Variants in DDX60 observed in about 807,000 individuals in gnomAD.
DDX60 encodes the protein probable ATP-dependent RNA helicase DDX60.
DDX60 carries 165 observed loss-of-function variants against 212.8 expected under a neutral mutation model. The observed-to-expected ratio is 0.78, with a 90% CI of 0.68 to 0.88. The LOEUF is 0.88. DDX60 is among the 40% of genes least tolerant of loss of function. The pLI is 0.00. For missense variants in DDX60, 1,905 were observed against 2,003.9 expected, an observed-to-expected ratio of 0.95 and a Z score of 0.94; for synonymous variants, 703 against 685.3, an observed-to-expected ratio of 1.03 and a Z score of -0.40.
chr4:168,298,815 G>T (rs187906189), intron 6 of DDX60, among the ~76,000 whole-genome samples: 14 of 151,892 alleles, frequency 9.2e-5, no homozygotes, highest in African/African-American at 3.1e-4. Flanking sequence ...TTAACTATAT[G>T]TTAACATCTT....
chr4:168,278,726 G>A lies in DDX60; in HGVS notation c.1978+1609C>T, dbSNP rs996057130. ...TGCATGCAGTCCCAGATACTCAGGA[G>A]GCTGAGGCAGCAGAATAGCTTGAAC... On this transcript the variant is annotated intron_variant, in intron 14 of 37. Transcript: ENST00000393743. Among the ~76,000 whole-genome samples the A allele has an allele frequency of 2.0e-5, 3 of 152,144 alleles. No homozygotes were observed. The South Asian group carries it at 6.2e-4, about 31-fold the overall frequency.
Position 168,291,753 on chromosome 4 carries a change from G to C in DDX60, c.1036C>G (p.Gln346Glu), listed in dbSNP as rs778744557. ...CTAATAAAGAGTACATTTACCATTT[G>C]TAATAAAGGCTTCATGTCCTCAGCC... is the stretch of plus-strand genomic sequence containing the variant. The part of the protein sequence containing the change: ...HWAEDMKPLL[Q>E]MKKWCEYFIL... The change falls in exon 8 of 38, where the codon CAA (glutamine) becomes GAA (glutamate). Residue 346 changes from glutamine (Q) to glutamate (E), a missense_variant. Coordinates refer to ENST00000393743, the MANE Select transcript of DDX60 (RefSeq NM_017631.6). 1 of 1,582,708 alleles carries C rather than the reference G, an allele frequency of 6.3e-7. No individual in the cohort carries two copies. Among genetic ancestry groups the C allele is most frequent in the Non-Finnish European group, 8.5e-7 (1 of 1,170,134 alleles).
rs1735544825 is a variant in DDX60 at position 168,280,539 on chromosome 4, T to C, written c.1774A>G (p.Arg592Gly). ...ARENKKRLFA[R>G]EEQKEEQKWN... The stretch of plus-strand genomic sequence containing the variant: ...TTTTGCTCTTCCTTTTGTTCTTCCC[T>C]GGCAAATAACCTTTTCTTATTCTCT... The change falls in exon 14 of 38, where the codon AGG (arginine) becomes GGG (glycine). Residue 592 changes from arginine to glycine, a missense_variant. Transcript: ENST00000393743. 1.9e-6 allele frequency: 3 copies of C among 1,614,060 alleles called. No individual in the cohort carries two copies. The East Asian group carries it at 6.7e-5, about 36-fold the overall frequency.
chr4:168,270,875 CTT>C (rs759054592), intron 19 of DDX60, among the ~76,000 whole-genome samples: 11 of 110,874 alleles, frequency 9.9e-5, no homozygotes, highest in Admixed American at 2.9e-4. Flanking sequence ...TTCTTTCTTT[CTT>C]TTTTTTTTTT....
intron 25 of DDX60, among the ~76,000 whole-genome samples, chr4:168,260,017 G>A (rs1315388406): frequency 1.3e-5 from 2 of 152,134 alleles, no homozygotes; most frequent in East Asian, 1.9e-4. Flanking sequence ...ACAAAAAATA[G>A]AGTAGCAAAC....
intron 19 of DDX60, among the ~76,000 whole-genome samples, chr4:168,271,167 C>T (rs777224675): frequency 5.9e-5 from 9 of 152,170 alleles, no homozygotes; most frequent in South Asian, 2.1e-4. Context: ...TGTGAGCCAC[C>T]GCACCTGACC....
chr4:168,294,487 T>C (rs891268866), intron 6 of DDX60, among the ~76,000 whole-genome samples: 118 of 151,232 alleles, frequency 7.8e-4, no homozygotes, highest in African/African-American at 2.6e-3. Context: ...GATACATTTA[T>C]TTATTTATTT....
intron 30 of DDX60, among the ~76,000 whole-genome samples, chr4:168,244,256 AATAAT>A (rs1457050798): frequency 9.2e-5 from 14 of 152,262 alleles, no homozygotes; most frequent in East Asian, 3.9e-4. Flanking sequence ...CTTAAAATAA[AATAAT>A]ATAAGAAGAT....
intron 37 of DDX60, among the ~76,000 whole-genome samples, chr4:168,218,887 C>T (rs1257338415): frequency 6.6e-6 from 1 of 152,180 alleles, no homozygotes; most frequent in Non-Finnish European, 1.5e-5. Flanking sequence ...ATTAGTCATT[C>T]CCTTATCTGC....
chr4:168,246,340 C>T, intron 30 of DDX60, 78 bp downstream of exon 30: 1 of 1,553,030 alleles, frequency 6.4e-7, no homozygotes, highest in Non-Finnish European at 8.8e-7. Flanking sequence ...TTGCTACAGA[C>T]TTCTAAAAGA....
intron 6 of DDX60, among the ~76,000 whole-genome samples, chr4:168,297,374 GAAAGAAAGAGAAAGAA>G (rs1236592957): frequency 1.5e-4 from 8 of 54,674 alleles, no homozygotes; most frequent in South Asian, 5.9e-4. Flanking sequence ...AAGAAAGAAA[GAAAGAAAGAGAAAGAA>G]AGAAAGAAAG....
chr4:168,252,670 T>C lies in DDX60; in HGVS notation c.3558-14A>G. The C allele has an allele frequency of 6.4e-7, 1 of 1,567,158 alleles. No homozygotes were observed. The highest frequency in any genetic ancestry group is 8.6e-7 in the Non-Finnish European group (1 of 1,156,352). On this transcript the variant is annotated splice_polypyrimidine_tract_variant and intron_variant, in intron 26 of 37. Transcript: ENST00000393743. Reference sequence around the variant, plus strand: ...CTCTTTTCATCTCTGTTCATAAAAATAAAATTTTAATTAATGAAATTGTAA... The same window carrying C: ...CTCTTTTCATCTCTGTTCATAAAAACAAAATTTTAATTAATGAAATTGTAA...
chr4:168,224,763 T>G (rs1733190070), intron 34 of DDX60, among the ~76,000 whole-genome samples: 1 of 152,034 alleles, frequency 6.6e-6, no homozygotes, highest in African/African-American at 2.4e-5. Flanking sequence ...GCAGCCTCAA[T>G]TAGTAAGTTT....
At chr4:168,235,612 T>C (rs1174446840) in intron 33 of DDX60, among the ~76,000 whole-genome samples, 1 of 152,096 alleles carries the variant, frequency 6.6e-6, no homozygotes, top group African/African-American at 2.4e-5. Flanking sequence ...ATTCTTTTTG[T>C]TTGTTCCATA....
rs1336101658 is a variant in DDX60 at position 168,252,545 on chromosome 4, G to A, written c.3669C>T (p.Asp1223=). 1 of 1,614,040 alleles carries A rather than the reference G, an allele frequency of 6.2e-7. No homozygotes were observed. The highest frequency in any genetic ancestry group is 8.5e-7 in the Non-Finnish European group (1 of 1,179,968). Residue 1223 remains aspartate, a synonymous_variant, in exon 27 of 38, where the codon GAC becomes GAT. Transcript: ENST00000393743. ...CTGCTTTTTGATCAGCATATGTGCA[G>A]TCCTGTGGGATTTCCAGGTTCTTCT... ...CLEKNLEIPQ[D]CTYADQKAVD... is the part of the protein sequence containing the mutation.
intron 8 of DDX60, among the ~76,000 whole-genome samples, chr4:168,291,407 T>C (rs1473361261): frequency 6.6e-6 from 1 of 152,206 alleles, no homozygotes; most frequent in Non-Finnish European, 1.5e-5. Flanking sequence ...GAGTTGAAAG[T>C]AATAAACTAC....
intron 6 of DDX60, among the ~76,000 whole-genome samples, chr4:168,295,259 T>G (rs1057145958): frequency 1.3e-5 from 2 of 152,250 alleles, no homozygotes; most frequent in African/African-American, 2.4e-5. Context: ...GAAATTAGTA[T>G]GGTTAAAGCA....
chr4:168,293,676 A>G, intron 7 of DDX60, 111 bp downstream of exon 7: 1 of 950,316 alleles, frequency 1.1e-6, no homozygotes, highest in East Asian at 2.5e-5. Flanking sequence ...AAGTTTATAT[A>G]AATAAGAGAA....
At chr4:168,297,378 GAAA>G (rs1736440797) in intron 6 of DDX60, among the ~76,000 whole-genome samples, 2 of 53,874 alleles carry the variant, frequency 3.7e-5, no homozygotes, top group Non-Finnish European at 6.9e-5. Context: ...AAGAAAGAAA[GAAA>G]GAGAAAGAAA....
Sources: gnomAD v4.1 joint callset for allele counts (sites outside exome capture counted in the v4.1 genomes callset) on GRCh38, gnomAD v4.1.1 for gene constraint, MANE v1.5 for transcripts, NCBI Gene and HGNC (gene_info 2026-07-23, HGNC 2026-07-21) for gene names.